UBN2: variants seen among roughly 807,000 people sequenced by gnomAD.
The protein encoded by UBN2 is ubinuclein-2.
A neutral mutation model predicts 120.2 loss-of-function variants in UBN2; 35 were observed. That is an observed-to-expected ratio of 0.29 (90% confidence interval 0.22 to 0.39). UBN2 has a LOEUF of 0.39. Ranked by LOEUF, UBN2 falls within the 10% of genes least tolerant of loss-of-function variation. The pLI is 1.00. For missense variants in UBN2, 1,693 were observed against 1,663.2 expected (o/e 1.02, Z -0.31); for synonymous variants, 661 against 648.7 (o/e 1.02, Z -0.29).
rs1376812303 is a variant in UBN2, at chr7:139,298,677, G to A, written c.*841G>A. ...TTATTTCCATTCTTGATGTTAAAATGTGACTGTGTTCACATTTTTCTCCTG... is the reference window on the plus strand; with the variant it reads ...TTATTTCCATTCTTGATGTTAAAATATGACTGTGTTCACATTTTTCTCCTG... On this transcript the variant is annotated 3_prime_UTR_variant, in exon 18 of 18. Transcript: ENST00000473989. 6.6e-6 allele frequency: 1 copy of A among 151,828 alleles called. No individual in the cohort carries two copies. The highest frequency in any genetic ancestry group is 1.5e-5 in the Non-Finnish European group (1 of 67,994). 9.4% of individuals were successfully genotyped at this position (151,828 alleles called of 1,614,324 possible).
intron 7 of UBN2, among the ~76,000 whole-genome samples, chr7:139,268,044 G>A (rs1293380870): frequency 6.6e-6 from 1 of 152,178 alleles, no homozygotes; most frequent in Non-Finnish European, 1.5e-5. Context: ...TTGTGACTGA[G>A]GCTGTTCTTT....
At chr7:139,312,066 G>A (rs776550780), downstream of UBN2, among the ~76,000 whole-genome samples, 7 of 152,198 alleles carry the variant, frequency 4.6e-5, no homozygotes, top group African/African-American at 9.6e-5. Flanking sequence ...CAAATGCAAA[G>A]TAATGCGTCA....
Position 139,297,895 on chromosome 7 carries a change from G to T in UBN2, c.*59G>T, listed in dbSNP as rs1563231242. The T allele has an allele frequency of 6.3e-7, 1 of 1,578,404 alleles. No individual in the cohort carries two copies. Among genetic ancestry groups the T allele is most frequent in the Non-Finnish European group, 8.7e-7 (1 of 1,147,904 alleles). On this transcript the variant is annotated 3_prime_UTR_variant, in exon 18 of 18. Transcript: ENST00000473989. Reference sequence around the variant, plus strand: ...TTGACTGATGGAATCTACCTGATGGGAAAGTACTTATGTGGTCATAGGGCT... The same window carrying T: ...TTGACTGATGGAATCTACCTGATGGTAAAGTACTTATGTGGTCATAGGGCT...
chr7:139,279,930 T>C (rs1387553727), intron 13 of UBN2, among the ~76,000 whole-genome samples: 1 of 152,210 alleles, frequency 6.6e-6, no homozygotes, highest in Admixed American at 6.5e-5. Flanking sequence ...ATTAAGTGGC[T>C]GTCTTGGACT....
At chr7:139,295,491 G>T (rs1798084177) in intron 17 of UBN2, among the ~76,000 whole-genome samples, 1 of 152,174 alleles carries the variant, frequency 6.6e-6, no homozygotes, top group South Asian at 2.1e-4. Flanking sequence ...AAACAAGCAG[G>T]ATTCTTGTGG....
Position 139,242,331 on chromosome 7 carries a change from C to T in UBN2, c.561+5234C>T, listed in dbSNP as rs148486431. On this transcript the variant is annotated intron_variant, in intron 2 of 17. Coordinates refer to ENST00000473989, the MANE Select transcript of UBN2 (RefSeq NM_173569.4). ...ACACTTGCTGAGGGGTTAGAGCTTC[C>T]TTGGGAACTTCATAGGCTGGTTAAC... 3.8e-3 allele frequency among the ~76,000 whole-genome samples: 577 copies of T among 152,188 alleles called. 8 individuals carry two copies. Among genetic ancestry groups the T allele is most frequent in the African/African-American group, 0.013 (537 of 41,518 alleles).
intron 7 of UBN2, among the ~76,000 whole-genome samples, chr7:139,267,518 AGG>A (rs954481524): frequency 8.6e-5 from 13 of 150,640 alleles, no homozygotes; most frequent in Non-Finnish European, 1.2e-4. Flanking sequence ...CCTGGGTGAT[AGG>A]GTGAGACTCT....
chr7:139,321,632 A>C, the UBN2 span, among the ~76,000 whole-genome samples: 2 of 151,682 alleles, frequency 1.3e-5, no homozygotes, highest in African/African-American at 4.8e-5. Flanking sequence ...CAGGTACCCT[A>C]GTGTCCAGCT....
At chr7:139,313,450 A>G in the UBN2 span, among the ~76,000 whole-genome samples, 3 of 152,148 alleles carry the variant, frequency 2.0e-5, no homozygotes, top group Admixed American at 6.6e-5. Flanking sequence ...ATATCGAGCA[A>G]TTTTGCTAAA....
At chr7:139,273,224 A>G (rs1280976912) in intron 9 of UBN2, 73 bp from the exon 10 acceptor site, 2 of 899,852 alleles carry the variant, frequency 2.2e-6, no homozygotes, top group South Asian at 2.3e-5. Flanking sequence ...CAATTCAGCA[A>G]GTATTTATGG....
intron 7 of UBN2, among the ~76,000 whole-genome samples, chr7:139,266,805 G>A (rs1329978519): frequency 6.6e-6 from 1 of 152,130 alleles, no homozygotes; most frequent in Admixed American, 6.6e-5. Flanking sequence ...GATATCTAGT[G>A]AGGTTGATTA....
chr7:139,231,662 C>T lies in UBN2; in HGVS notation c.178C>T (p.Arg60Cys). The T allele has an allele frequency of 1.7e-6, 2 of 1,195,058 alleles. No individual in the cohort carries two copies. Among genetic ancestry groups the T allele is most frequent in the East Asian group, 7.4e-5 (2 of 26,900 alleles). 74.0% of individuals were successfully genotyped at this position (1,195,058 alleles called of 1,614,324 possible). ...EPPAPREPAP[R>C]SDAQPPSREK... ...GCCGGCCCCGCGGGAGCCTGCCCCC[C>T]GCTCGGACGCGCAGCCCCCGTCGCG... The change falls in exon 1 of 18, where the codon CGC becomes TGC. Residue 60 changes from arginine to cysteine, a missense_variant. Physicochemically the swap from Arg to Cys is radical, Grantham distance 180. Coordinates refer to ENST00000473989, the MANE Select transcript of UBN2 (RefSeq NM_173569.4).
At position 139,252,169 on chromosome 7, in the gene UBN2, A is replaced by G. The variant is rs978566812; in HGVS notation, c.663+112A>G. On this transcript the variant is annotated intron_variant, in intron 3 of 17. Coordinates refer to ENST00000473989, the MANE Select transcript of UBN2 (RefSeq NM_173569.4). ...GTGAATGTTTTTATTTGTGCTTTTT[A>G]AAGCCATGTTCACTACTTAAAGATT... 7 of 853,544 alleles carry G rather than the reference A, an allele frequency of 8.2e-6. 1 individual carries two copies. The highest frequency in any genetic ancestry group is 1.8e-5 in the South Asian group (1 of 55,578). 52.9% of individuals were successfully genotyped at this position (853,544 alleles called of 1,614,324 possible).
the UBN2 span, among the ~76,000 whole-genome samples, chr7:139,320,197 C>T: frequency 6.6e-5 from 10 of 152,242 alleles, no homozygotes; most frequent in East Asian, 1.9e-3. Flanking sequence ...CGTGATGGCT[C>T]ATGCCTGTAA....
chr7:139,258,929 A>G (rs1291222976), intron 4 of UBN2, among the ~76,000 whole-genome samples: 2 of 152,188 alleles, frequency 1.3e-5, no homozygotes, highest in Non-Finnish European at 2.9e-5. Context: ...CTTTCCTAAG[A>G]TGTCATTTTT....
chr7:139,291,423 T>C (rs1797955627), intron 15 of UBN2, among the ~76,000 whole-genome samples: 1 of 150,038 alleles, frequency 6.7e-6, no homozygotes, highest in Admixed American at 6.6e-5. Flanking sequence ...ACTGTTAAAG[T>C]TTTGACCAGG....
At chr7:139,248,336 G>A (rs1796529481) in intron 2 of UBN2, among the ~76,000 whole-genome samples, 1 of 152,136 alleles carries the variant, frequency 6.6e-6, no homozygotes, top group South Asian at 2.1e-4. Context: ...AAAGTCTCAT[G>A]GCAGATGCTT....
intron 13 of UBN2, 53 bp from the exon 14 acceptor site, chr7:139,281,952 A>T: frequency 1.3e-6 from 2 of 1,554,270 alleles, no homozygotes; most frequent in East Asian, 2.3e-5. Flanking sequence ...AAAAATACTA[A>T]GGAAGTTAGA....
chr7:139,288,044 T>C (rs1797842380), intron 15 of UBN2, among the ~76,000 whole-genome samples: 1 of 152,216 alleles, frequency 6.6e-6, no homozygotes, highest in Admixed American at 6.5e-5. Context: ...TCCTCTTTCT[T>C]ACCCTTCAAC....
Sources: allele counts gnomAD v4.1 joint callset (sites outside exome capture counted in the v4.1 genomes callset), GRCh38; gene constraint gnomAD v4.1.1; transcripts MANE v1.5; gene names NCBI Gene and HGNC (gene_info 2026-07-23, HGNC 2026-07-21).